Variants in SPATA21 observed in about 807,000 individuals in gnomAD.
SPATA21 encodes the protein spermatogenesis-associated protein 21.
A neutral mutation model predicts 54.8 loss-of-function variants in SPATA21; 47 were observed. The ratio of observed to expected loss-of-function variants is 0.86; its 90% CI spans 0.68 to 1.09. The LOEUF is 1.09. Ranked by LOEUF, SPATA21 falls within the 50% of genes least tolerant of loss-of-function variation. SPATA21 has a pLI of 0.00. For synonymous variants in SPATA21, 245 were observed against 235.3 expected, an observed-to-expected ratio of 1.04 and a Z score of -0.38; for missense variants, 599 against 596.4, an observed-to-expected ratio of 1.00 and a Z score of -0.05.
chr1:16,398,974 T>G, intron 12 of SPATA21, 152 bp from the exon 13 acceptor site: 1 of 864,906 alleles, frequency 1.2e-6, no homozygotes, highest in Non-Finnish European at 1.8e-6. Context: ...GGGGCCTGAT[T>G]CCAAGTCCAG....
rs779387005 is a variant in SPATA21, at chr1:16,421,603, G to A, written c.96-46C>T. On this transcript the variant is annotated intron_variant, in intron 4 of 12. Coordinates refer to ENST00000335496, the MANE Select transcript of SPATA21 (RefSeq NM_198546.1). The surrounding 1 kb of genome is among the most constrained non-coding windows in gnomAD (Gnocchi z 5.2). The stretch of plus-strand genomic sequence containing the variant: ...CAGGTGGGGGAAGCGCTCAGCTGAA[G>A]GTTTGCCCCCCTGCCCTCCCCTCTC... 6.3e-7 allele frequency: 1 copy of A among 1,584,596 alleles called. No homozygotes were observed. The highest frequency in any genetic ancestry group is 1.1e-5 in the South Asian group (1 of 87,506).
At position 16,399,330 on chromosome 1, in the gene SPATA21, C is replaced by G; in HGVS notation, c.1352+14G>C. The stretch of plus-strand genomic sequence containing the variant: ...GGAAGGGCCTGGGCTGGGACCCTTT[C>G]TCTGGGCACCCACCTGTTTCCTTGA... On this transcript the variant is annotated intron_variant, in intron 12 of 12. Transcript: ENST00000335496. 1 of 1,601,740 alleles carries G rather than the reference C, an allele frequency of 6.2e-7. No homozygotes were observed. Among genetic ancestry groups the G allele is most frequent in the Non-Finnish European group, 8.5e-7 (1 of 1,173,650 alleles).
chr1:16,408,419 C>T, intron 7 of SPATA21: 1 of 975,078 alleles, frequency 1.0e-6, no homozygotes, highest in Non-Finnish European at 1.2e-6. Context: ...TTCCTGGGGC[C>T]CTGTCTCCCA....
intron 5 of SPATA21, among the ~76,000 whole-genome samples, chr1:16,420,909 A>C (rs1237697898): frequency 6.6e-6 from 1 of 152,128 alleles, no homozygotes; most frequent in African/African-American, 2.4e-5. Flanking sequence ...TTGAAAGTGA[A>C]ACCCATCAAT....
Position 16,404,990 on chromosome 1 carries a change from G to T in SPATA21, c.788C>A (p.Ala263Asp). 1 of 1,604,624 alleles carries T rather than the reference G, an allele frequency of 6.2e-7. No homozygotes were observed. The highest frequency in any genetic ancestry group is 8.5e-7 in the Non-Finnish European group (1 of 1,177,338). ...FSVTLAQVED[A>D]LMSADVNGDG... ...ACCATTGACATCAGCACTCATCAGG[G>T]CGTCCTCCACCTGGGCCAGCGTCAC... Residue 263 changes from alanine to aspartate, a missense_variant, in exon 8 of 13, where the codon GCC (alanine) becomes GAC (aspartate). Physicochemically the swap from Ala to Asp is moderately radical, Grantham distance 126. Coordinates refer to ENST00000335496, the MANE Select transcript of SPATA21 (RefSeq NM_198546.1).
chr1:16,426,100 C>CA (rs575791554), intron 3 of SPATA21, among the ~76,000 whole-genome samples: 1 of 151,776 alleles, frequency 6.6e-6, no homozygotes, highest in Non-Finnish European at 1.5e-5. Flanking sequence ...AAAAATGAAA[C>CA]AAAAATCAGA....
chr1:16,418,206 G>A (rs1234484901), intron 5 of SPATA21, among the ~76,000 whole-genome samples: 1 of 152,228 alleles, frequency 6.6e-6, no homozygotes, highest in Non-Finnish European at 1.5e-5. Flanking sequence ...TTTGCATGGG[G>A]TAGGGATGGG....
At chr1:16,427,837 TG>T in intron 3 of SPATA21, 1 of 1,535,728 alleles carries the variant, frequency 6.5e-7, no homozygotes. Flanking sequence ...CTCTTGGACC[TG>T]TTCTCTCGAG....
At chr1:16,399,318 C>A in intron 12 of SPATA21, 26 bp downstream of exon 12, 1 of 1,593,002 alleles carries the variant, frequency 6.3e-7, no homozygotes, top group South Asian at 1.1e-5. Context: ...AGGGCCTGGG[C>A]TGGGACCCTT....
At chr1:16,435,702 A>G (rs1274363161) in intron 1 of SPATA21, among the ~76,000 whole-genome samples, 1 of 150,012 alleles carries the variant, frequency 6.7e-6, no homozygotes, top group South Asian at 2.1e-4. Flanking sequence ...TATAGCCTTG[A>G]CCTCTTGGGC....
At chr1:16,396,106 G>A (rs566718415), downstream of SPATA21, 2 of 152,812 alleles carry the variant, frequency 1.3e-5, no homozygotes, top group East Asian at 3.9e-4. Context: ...GGGCTTAGAA[G>A]TGACGGAGAG....
chr1:16,406,800 C>T lies in SPATA21; in HGVS notation c.674-1696G>A, dbSNP rs139327177. On this transcript the variant is annotated intron_variant, in intron 7 of 12. Coordinates refer to ENST00000335496, the MANE Select transcript of SPATA21 (RefSeq NM_198546.1). ...ACACACACAGAGATACCAGGGTTGCCCATTCACAGATGAAAGACCATATGA... is the reference window on the plus strand; with the variant it reads ...ACACACACAGAGATACCAGGGTTGCTCATTCACAGATGAAAGACCATATGA... Among the ~76,000 whole-genome samples, 780 of 152,184 alleles carry T rather than the reference C, an allele frequency of 5.1e-3. 7 individuals carry two copies. The highest frequency in any genetic ancestry group is 0.018 in the African/African-American group (745 of 41,516).
chr1:16,426,782 G>A (rs1161679381), intron 3 of SPATA21, among the ~76,000 whole-genome samples: 2 of 151,738 alleles, frequency 1.3e-5, no homozygotes, highest in African/African-American at 2.4e-5. Flanking sequence ...GTTTTGCCAT[G>A]TTGGCCAGAC....
At chr1:16,427,774 T>C (rs1313996503) in intron 3 of SPATA21, 19 of 1,417,392 alleles carry the variant, frequency 1.3e-5, no homozygotes, top group Non-Finnish European at 1.6e-5. Flanking sequence ...TGCCTTGGCC[T>C]GGGAGTTCTC....
intron 1 of SPATA21, among the ~76,000 whole-genome samples, chr1:16,435,557 T>C (rs1177539853): frequency 1.3e-5 from 2 of 152,040 alleles, no homozygotes; most frequent in Non-Finnish European, 2.9e-5. Context: ...CCTCAGGTGA[T>C]CTGCCCACCT....
chr1:16,422,254 A>C, intron 3 of SPATA21: 29 of 1,370,784 alleles, frequency 2.1e-5, no homozygotes, highest in Non-Finnish European at 2.4e-5. Flanking sequence ...GGTGAACCTC[A>C]ATGCTCCAGG....
chr1:16,410,121 TC>T, intron 5 of SPATA21, 78 bp from the exon 6 acceptor site: 1 of 1,209,264 alleles, frequency 8.3e-7, no homozygotes, highest in Non-Finnish European at 1.2e-6. Flanking sequence ...CCATCCCCTC[TC>T]CAGAGATCCT....
rs1170941159 is a variant in SPATA21, at chr1:16,421,241, C to T, written c.144+268G>A. Among the ~76,000 whole-genome samples the T allele has an allele frequency of 1.3e-5, 2 of 152,070 alleles. No homozygotes were observed. The highest frequency in any genetic ancestry group is 4.8e-5 in the African/African-American group (2 of 41,394). ...CATGCTGATGTGGAACAAGCCACCA[C>T]CTGGGATGAACCCAAGGGCTCCAGA... On this transcript the variant is annotated intron_variant, in intron 5 of 12. Transcript: ENST00000335496. This position sits in a 1 kb window ranked among gnomAD's most constrained non-coding sequence, Gnocchi z 5.2.
chr1:16,415,162 C>T (rs1032406267), intron 5 of SPATA21, among the ~76,000 whole-genome samples: 4 of 152,132 alleles, frequency 2.6e-5, no homozygotes, highest in African/African-American at 9.7e-5. Context: ...CATGGTGGGA[C>T]CCTGTCTCTA....
Sources: allele counts gnomAD v4.1 joint callset (sites outside exome capture counted in the v4.1 genomes callset), GRCh38; gene constraint gnomAD v4.1.1; non-coding constraint Gnocchi (gnomAD v3.1); transcripts MANE v1.5; gene names NCBI Gene and HGNC (gene_info 2026-07-23, HGNC 2026-07-21).